Variants in GPHN observed in about 807,000 individuals in gnomAD.
GPHN encodes the protein gephyrin.
In GPHN, 17 loss-of-function variants were observed where a neutral mutation model predicts 95.5. The ratio of observed to expected loss-of-function variants is 0.18; its 90% confidence interval spans 0.12 to 0.27. The LOEUF (loss-of-function observed/expected upper bound fraction) is 0.27. GPHN is among the 10% of genes least tolerant of loss of function. The pLI, the probability that GPHN is intolerant of heterozygous loss-of-function variation, is 1.00. For missense variants in GPHN, 660 were observed against 978.1 expected (o/e 0.67, Z 4.34); for synonymous variants, 320 against 322.5 (o/e 0.99, Z 0.08).
the GPHN span, among the ~76,000 whole-genome samples, chr14:67,308,592 C>T: frequency 8.3e-5 from 12 of 144,868 alleles, no homozygotes; most frequent in Non-Finnish European, 1.8e-4. Flanking sequence ...GTTGTCCAGG[C>T]TGGAGTGCAA....
intron 18 of GPHN, among the ~76,000 whole-genome samples, chr14:67,154,625 A>C (rs935398082): frequency 1.1e-4 from 17 of 152,062 alleles, no homozygotes; most frequent in Admixed American, 1.1e-3. Context: ...ATATATAGAT[A>C]TATATAAAAG....
chr14:67,345,909 A>G, the GPHN span: 1 of 1,317,312 alleles, frequency 7.6e-7, no homozygotes, highest in African/African-American at 1.5e-5. Context: ...TAATTAGAGT[A>G]AAATATCTTC....
chr14:67,203,065 T>C, the GPHN span: 6 of 1,603,434 alleles, frequency 3.7e-6, no homozygotes, highest in South Asian at 2.2e-5. Context: ...TTTCATCATA[T>C]AACGCCTTTT....
chr14:66,953,526 T>G (rs146785823), intron 8 of GPHN, among the ~76,000 whole-genome samples: 112 of 152,340 alleles, frequency 7.4e-4, no homozygotes, highest in Non-Finnish European at 1.3e-3. Flanking sequence ...GGCTTCAACT[T>G]CATTCTTTTG....
intron 11 of GPHN, among the ~76,000 whole-genome samples, chr14:67,073,194 T>A (rs1362183360): frequency 1.3e-5 from 2 of 152,110 alleles, no homozygotes; most frequent in African/African-American, 4.8e-5. Context: ...GGTTCAAAAT[T>A]ATAGGACAGT....
At chr14:67,667,805 G>A in the GPHN span, among the ~76,000 whole-genome samples, 3 of 152,074 alleles carry the variant, frequency 2.0e-5, no homozygotes, top group African/African-American at 2.4e-5. Flanking sequence ...TTAGCCCGGC[G>A]TGGTGGTGGG....
intron 12 of GPHN, among the ~76,000 whole-genome samples, chr14:67,098,026 A>G (rs1355934810): frequency 6.6e-6 from 1 of 152,144 alleles, no homozygotes; most frequent in African/African-American, 2.4e-5. Flanking sequence ...TTTACAGCCT[A>G]TCTCCATTTG....
At chr14:67,279,020 T>A in the GPHN span, 1 of 724,270 alleles carries the variant, frequency 1.4e-6, no homozygotes, top group Non-Finnish European at 2.0e-6. Flanking sequence ...CCCCTTAGAT[T>A]TCCTTCATGG....
At chr14:67,447,846 C>G in the GPHN span, 2 of 152,206 alleles carry the variant, frequency 1.3e-5, no homozygotes, top group Non-Finnish European at 2.9e-5. Context: ...AGCTGCATCA[C>G]TTTCAGACAG....
chr14:67,272,711 C>T, the GPHN span, among the ~76,000 whole-genome samples: 4 of 152,060 alleles, frequency 2.6e-5, no homozygotes, highest in East Asian at 1.9e-4. Context: ...CAGGCTGGAG[C>T]GCAGTGGCAC....
chr14:66,548,629 A>G (rs1436502497), intron 1 of GPHN, among the ~76,000 whole-genome samples: 2 of 152,184 alleles, frequency 1.3e-5, no homozygotes, highest in African/African-American at 4.8e-5. Context: ...GATACAAAAT[A>G]TTCCCTGAGT....
the GPHN span, among the ~76,000 whole-genome samples, chr14:67,530,689 T>C: frequency 5.3e-5 from 8 of 152,142 alleles, no homozygotes; most frequent in African/African-American, 1.9e-4. Flanking sequence ...ATTGGTGAAA[T>C]AAGCAGTTTT....
At chr14:67,201,508 T>G in the GPHN span, 4 of 455,876 alleles carry the variant, frequency 8.8e-6, no homozygotes, top group Non-Finnish European at 1.3e-5. Flanking sequence ...CTCATCCTGG[T>G]GGCTCTGTCT....
At chr14:66,526,704 G>C (rs148004034) in intron 1 of GPHN, among the ~76,000 whole-genome samples, 1 of 151,962 alleles carries the variant, frequency 6.6e-6, no homozygotes, top group Non-Finnish European at 1.5e-5. Context: ...GAATTTTGTC[G>C]AAGGCCTTTT....
At chr14:66,997,014 G>A (rs2071852040) in intron 9 of GPHN, among the ~76,000 whole-genome samples, 1 of 151,866 alleles carries the variant, frequency 6.6e-6, no homozygotes, top group African/African-American at 2.4e-5. Flanking sequence ...TCAAAGCAGG[G>A]GCACTGTTTG....
chr14:67,239,388 TG>T, the GPHN span, among the ~76,000 whole-genome samples: 7 of 152,082 alleles, frequency 4.6e-5, no homozygotes, highest in Middle Eastern at 3.2e-3. Context: ...TGGCACGTAG[TG>T]GGTAGAGGCT....
rs148079142 is a variant in GPHN at position 66,675,391 on chromosome 14, G to A, written c.65-5716G>A. ...GATCTCTTGACCTCATGATCTGCCC[G>A]CCTCGGCCTCCCAAAGTGCTGGGAT... On this transcript the variant is annotated intron_variant, in intron 1 of 22. Coordinates refer to ENST00000478722, the MANE Select transcript of GPHN (RefSeq NM_020806.5). 6.6e-3 allele frequency among the ~76,000 whole-genome samples: 1,003 copies of A among 152,082 alleles called. 15 individuals carry two copies. The highest frequency in any genetic ancestry group is 0.023 in the African/African-American group (944 of 41,498).
At chr14:67,603,277 C>T in the GPHN span, among the ~76,000 whole-genome samples, 5 of 152,166 alleles carry the variant, frequency 3.3e-5, no homozygotes, top group African/African-American at 1.2e-4. Flanking sequence ...ACTATGTTTC[C>T]CAGGCTATTT....
chr14:66,836,858 G>T (rs2153504533), intron 4 of GPHN, among the ~76,000 whole-genome samples: 1 of 151,976 alleles, frequency 6.6e-6, no homozygotes, highest in Non-Finnish European at 1.5e-5. Flanking sequence ...CACCGTCACT[G>T]GCCATCAGAG....
Sources: gnomAD v4.1 joint callset for allele counts (sites outside exome capture counted in the v4.1 genomes callset) on GRCh38, gnomAD v4.1.1 for gene constraint, MANE v1.5 for transcripts, NCBI Gene and HGNC (gene_info 2026-07-23, HGNC 2026-07-21) for gene names.